The following ACTN4 variants were observed in gnomAD, a reference collection of about 807,000 sequenced individuals.
The protein encoded by ACTN4 is actinin alpha 4.
A neutral mutation model predicts 114.2 loss-of-function variants in ACTN4; 18 were observed. That is an observed-to-expected ratio of 0.16 (90% confidence interval 0.11 to 0.23). ACTN4 has a LOEUF of 0.23. Ranked by LOEUF, ACTN4 falls within the 10% of genes least tolerant of loss-of-function variation. The pLI is 1.00. For missense variants in ACTN4, 722 were observed against 1,262.9 expected (o/e 0.57, Z 6.49); for synonymous variants, 515 against 506.3 (o/e 1.02, Z -0.23).
chr19:38,669,347 G>C lies in ACTN4; in HGVS notation c.162+21440G>C, dbSNP rs968451584. Among the ~76,000 whole-genome samples, 4 of 152,196 alleles carry C rather than the reference G, an allele frequency of 2.6e-5. No individual in the cohort carries two copies. The East Asian group carries it at 7.7e-4, about 29-fold the overall frequency. On this transcript the variant is annotated intron_variant, in intron 1 of 20. Coordinates refer to ENST00000252699, the MANE Select transcript of ACTN4 (RefSeq NM_004924.6). ...TGTTGCTGGAAAGGAATGACAGATT[G>C]AGGCAAGAAGGAGGCAAGAAGGATG...
rs1968254215 is a variant in ACTN4 at position 38,700,980 on chromosome 19, T to C, written c.278-22T>C. The C allele has an allele frequency of 1.9e-6, 3 of 1,612,426 alleles. No individual in the cohort carries two copies. In the African/African-American group the frequency reaches 4.0e-5, roughly 22 times the overall value. On this transcript the variant is annotated intron_variant, in intron 2 of 20. Transcript: ENST00000252699. ...TCTCTCTCTCTGTCTCGCCCCCTCTTTTCTCTTTGTGCACTTCTCAGGGGA... is the reference window on the plus strand; with the variant it reads ...TCTCTCTCTCTGTCTCGCCCCCTCTCTTCTCTTTGTGCACTTCTCAGGGGA...
intron 3 of ACTN4, among the ~76,000 whole-genome samples, chr19:38,701,794 C>G (rs905909785): frequency 6.6e-6 from 1 of 152,274 alleles, no homozygotes; most frequent in African/African-American, 2.4e-5. Context: ...GGAGCCCCAG[C>G]AGCATGAGCT....
chr19:38,705,387 A>G (rs1354220006), intron 4 of ACTN4, among the ~76,000 whole-genome samples: 47 of 152,080 alleles, frequency 3.1e-4, no homozygotes, highest in Non-Finnish European at 1.8e-4. Flanking sequence ...TGACATCCCC[A>G]TCCTTGAAAC....
At chr19:38,703,476 G>C (rs536774226) in intron 3 of ACTN4, among the ~76,000 whole-genome samples, 5 of 152,202 alleles carry the variant, frequency 3.3e-5, no homozygotes, top group Admixed American at 2.0e-4. Flanking sequence ...GACCTCAGGC[G>C]ATCCACACCT....
intron 1 of ACTN4, among the ~76,000 whole-genome samples, chr19:38,653,116 G>A (rs1312008789): frequency 6.6e-6 from 1 of 151,776 alleles, no homozygotes; most frequent in Non-Finnish European, 1.5e-5. Flanking sequence ...GATGACAGAG[G>A]GGAGCGGGGA....
At chr19:38,722,858 G>A (rs755900311) in intron 12 of ACTN4, among the ~76,000 whole-genome samples, 3 of 151,982 alleles carry the variant, frequency 2.0e-5, no homozygotes, top group Admixed American at 6.6e-5. Context: ...AGGAACAGGC[G>A]GTCCCCGAAG....
intron 3 of ACTN4, among the ~76,000 whole-genome samples, chr19:38,704,204 G>A: frequency 6.6e-6 from 1 of 152,338 alleles, no homozygotes. Context: ...CCAGCTACTC[G>A]GGAGACTGAG....
At chr19:38,705,286 A>T (rs1055105480) in intron 4 of ACTN4, among the ~76,000 whole-genome samples, 4 of 152,214 alleles carry the variant, frequency 2.6e-5, no homozygotes, top group African/African-American at 9.6e-5. Context: ...GAGATGGGCT[A>T]GGATGGCTGG....
chr19:38,697,732 C>T (rs1255107248), intron 1 of ACTN4, among the ~76,000 whole-genome samples: 1 of 152,236 alleles, frequency 6.6e-6, no homozygotes, highest in Non-Finnish European at 1.5e-5. Flanking sequence ...GGGGCCTTGC[C>T]CTCGGGGAAC....
At chr19:38,686,781 GGGTTGGTT>G (rs1003232310) in intron 1 of ACTN4, among the ~76,000 whole-genome samples, 15 of 152,162 alleles carry the variant, frequency 9.9e-5, no homozygotes, top group East Asian at 9.7e-4. Context: ...TGAGTGGTTT[GGGTTGGTT>G]GGTTGGTTGG....
intron 1 of ACTN4, 192 bp downstream of exon 1, chr19:38,648,099 C>T (rs187473491): frequency 1.7e-6 from 1 of 598,626 alleles, no homozygotes. Context: ...AATTGGGAAT[C>T]TGAAAAGAGA....
intron 11 of ACTN4, chr19:38,718,318 A>G (rs1968917308): frequency 1.4e-6 from 1 of 702,730 alleles, no homozygotes; most frequent in Non-Finnish European, 2.5e-6. Flanking sequence ...CTTGAGCCCA[A>G]GAGTTTGAGA....
chr19:38,672,238 CTTTTTTT>C (rs35567918), intron 1 of ACTN4, among the ~76,000 whole-genome samples: 1 of 113,744 alleles, frequency 8.8e-6, no homozygotes, highest in Non-Finnish European at 1.7e-5. Flanking sequence ...ACATGTGGTT[CTTTTTTT>C]TTTTTTTTTT....
At chr19:38,683,544 CT>C (rs1194049140) in intron 1 of ACTN4, among the ~76,000 whole-genome samples, 1 of 152,238 alleles carries the variant, frequency 6.6e-6, no homozygotes, top group Non-Finnish European at 1.5e-5. Context: ...AGGCCACCAA[CT>C]TTTCCCCCCC....
intron 6 of ACTN4, among the ~76,000 whole-genome samples, 178 bp downstream of exon 6, chr19:38,708,373 C>T (rs1239534898): frequency 2.0e-5 from 3 of 152,200 alleles, no homozygotes; most frequent in Non-Finnish European, 4.4e-5. Context: ...CGGTGGCTGA[C>T]TCTCACCTCC....
intron 6 of ACTN4, 109 bp from the exon 7 acceptor site, chr19:38,709,286 C>T (rs985541890): frequency 1.2e-6 from 1 of 848,316 alleles, no homozygotes; most frequent in Non-Finnish European, 2.1e-6. Flanking sequence ...TGAAGAAACC[C>T]CCAACCCTCG....
At chr19:38,658,304 A>C (rs139158254) in intron 1 of ACTN4, among the ~76,000 whole-genome samples, 1 of 152,300 alleles carries the variant, frequency 6.6e-6, no homozygotes, top group Non-Finnish European at 1.5e-5. Flanking sequence ...CTGGAATCTC[A>C]GCTATGTGAC....
At chr19:38,670,713 A>T (rs1159847125) in intron 1 of ACTN4, among the ~76,000 whole-genome samples, 3 of 152,044 alleles carry the variant, frequency 2.0e-5, no homozygotes. Flanking sequence ...TCACGAGGTC[A>T]GGAGATTGAG....
chr19:38,726,939 GC>G lies in ACTN4; in HGVS notation c.2191-13del. ...TTCACAGCACCCGGCCCACGATCACGCCCCCGTCTTTCCGCAGCACATCCGC... is the reference window on the plus strand; with the variant it reads ...TTCACAGCACCCGGCCCACGATCACGCCCCGTCTTTCCGCAGCACATCCGC... On this transcript the variant is annotated splice_polypyrimidine_tract_variant and intron_variant, in intron 17 of 20. Transcript: ENST00000252699. The G allele has an allele frequency of 6.2e-7, 1 of 1,613,270 alleles. No individual in the cohort carries two copies. The highest frequency in any genetic ancestry group is 8.5e-7 in the Non-Finnish European group (1 of 1,179,946).
Sources: gnomAD v4.1 joint callset for allele counts (sites outside exome capture counted in the v4.1 genomes callset) on GRCh38, gnomAD v4.1.1 for gene constraint, MANE v1.5 for transcripts, NCBI Gene and HGNC (gene_info 2026-07-23, HGNC 2026-07-21) for gene names.